MYH7: variants seen among roughly 807,000 people sequenced by gnomAD.
The protein encoded by MYH7 is myosin-7.
A neutral mutation model predicts 225.4 loss-of-function variants in MYH7; 129 were observed. The observed-to-expected ratio is 0.57, with a 90% CI of 0.50 to 0.66. The LOEUF (loss-of-function observed/expected upper bound fraction) is 0.66. Among genes scored for constraint, MYH7 ranks in the 30% least tolerant of loss-of-function variants. The pLI, the probability that MYH7 is intolerant of heterozygous loss-of-function variation, is 0.00. For synonymous variants in MYH7, 971 were observed against 1,007.6 expected (o/e 0.96, Z 0.69); for missense variants, 1,649 against 2,517.0 (o/e 0.66, Z 7.38).
chr14:23,429,867 A>G lies in MYH7; in HGVS notation c.1046T>C (p.Met349Thr), dbSNP rs121913640. The change falls in exon 12 of 40, where the codon ATG (methionine) becomes ACG (threonine). Residue 349 changes from methionine (M) to threonine (T), a missense_variant. Transcript: ENST00000355349. ...CATGATGGCGCCTGTCAGCTTATAC[A>G]TGGAGTTTTTCTCCTCTGAAGTGAA... Reference protein sequence around the residue: ...LGFTSEEKNSMYKLTGAIMHF... With the variant: ...LGFTSEEKNSTYKLTGAIMHF... The G allele has an allele frequency of 6.2e-6, 10 of 1,613,914 alleles. No individual in the cohort carries two copies. The highest frequency in any genetic ancestry group is 2.7e-5 in the African/African-American group (2 of 74,874).
At position 23,425,832 on chromosome 14, in the gene MYH7, T is replaced by C. The variant is rs1193941903; in HGVS notation, c.2163-14A>G. ...AGGATGCGATACCTGAGGAGGGAAG[T>C]GTCCAGAGTCACCCATGCTCTGCAG... On this transcript the variant is annotated splice_polypyrimidine_tract_variant and intron_variant, in intron 19 of 39. Coordinates refer to ENST00000355349, the MANE Select transcript of MYH7 (RefSeq NM_000257.4). The surrounding 1 kb of genome is among the most constrained non-coding windows in gnomAD (Gnocchi z 4.6). 1.2e-6 allele frequency: 2 copies of C among 1,613,858 alleles called. No individual in the cohort carries two copies. Among genetic ancestry groups the C allele is most frequent in the East Asian group, 2.2e-5 (1 of 44,886 alleles).
chr14:23,428,916 T>G, intron 14 of MYH7, 39 bp downstream of exon 14: 4 of 1,613,866 alleles, frequency 2.5e-6, no homozygotes, highest in Non-Finnish European at 2.5e-6. Flanking sequence ...TGGGAGCGAG[T>G]GAGTGATTGT....
intron 29 of MYH7, 137 bp downstream of exon 29, chr14:23,419,040 G>A (rs1892351983): frequency 2.3e-6 from 2 of 857,086 alleles, no homozygotes; most frequent in East Asian, 2.4e-5. Context: ...GCAGGGTTTG[G>A]GCTGTGATTT....
chr14:23,433,775 G>T lies in MYH7; in HGVS notation c.-8-35C>A, dbSNP rs774213588. On this transcript the variant is annotated intron_variant, in intron 2 of 39. Coordinates refer to ENST00000355349, the MANE Select transcript of MYH7 (RefSeq NM_000257.4). This position sits in a 1 kb window ranked among gnomAD's most constrained non-coding sequence, Gnocchi z 4.1. ...GCAGAAGCTGGCTGCCCTCCCATCT[G>T]CCCATTCTTCCCTTCCCTCCCTGGG... 1 of 1,601,504 alleles carries T rather than the reference G, an allele frequency of 6.2e-7. No individual in the cohort carries two copies.
In MYH7 at chr14:23,427,270, C is replaced by T. The variant is rs397516126; in HGVS notation, c.1926G>A (p.Ser642=). The T allele has an allele frequency of 1.4e-5, 22 of 1,613,962 alleles. No homozygotes were observed. Among genetic ancestry groups the T allele is most frequent in the East Asian group, 6.7e-5 (3 of 44,878 alleles). The change falls in exon 17 of 40, where the codon TCG becomes TCA. Residue 642 remains serine, a synonymous_variant. Transcript: ENST00000355349. Reference sequence around the variant, plus strand: ...GCAGAGCTGACACAGTCTGAAAGGACGAGCCTTTCTTGGCCTTGCCTTTGC... The same window carrying T: ...GCAGAGCTGACACAGTCTGAAAGGATGAGCCTTTCTTGGCCTTGCCTTTGC... ...EKGKGKAKKG[S]SFQTVSALHR...
chr14:23,425,206 G>A lies in MYH7; in HGVS notation c.2423+76C>T, dbSNP rs1373303420. ...GTCTCTGTGTTTGAAGATCTGCTGA[G>A]CTTTTTTTCCTGACACTGCCCCTGA... is the stretch of plus-strand genomic sequence containing the variant. On this transcript the variant is annotated intron_variant, in intron 21 of 39. Coordinates refer to ENST00000355349, the MANE Select transcript of MYH7 (RefSeq NM_000257.4). This position sits in a 1 kb window ranked among gnomAD's most constrained non-coding sequence, Gnocchi z 4.6. The A allele has an allele frequency of 6.2e-7, 1 of 1,612,362 alleles. No homozygotes were observed. Among genetic ancestry groups the A allele is most frequent in the Non-Finnish European group, 8.5e-7 (1 of 1,178,932 alleles).
chr14:23,427,904 C>A lies in MYH7; in HGVS notation c.1579-10G>T. 1 of 1,614,040 alleles carries A rather than the reference C, an allele frequency of 6.2e-7. No individual in the cohort carries two copies. Among genetic ancestry groups the A allele is most frequent in the Non-Finnish European group, 8.5e-7 (1 of 1,179,992 alleles). ...ACATGATGCCCATGGGCTGAGGAAG[C>A]AGGAGAGAGCATCACTGAGTGTCCT... On this transcript the variant is annotated splice_polypyrimidine_tract_variant and intron_variant, in intron 15 of 39. Coordinates refer to ENST00000355349, the MANE Select transcript of MYH7 (RefSeq NM_000257.4).
chr14:23,413,894 C>T lies in MYH7; in HGVS notation c.5656-1G>A. On this transcript the variant is annotated splice_acceptor_variant, in intron 38 of 39. Coordinates refer to ENST00000355349, the MANE Select transcript of MYH7 (RefSeq NM_000257.4). LOFTEE classifies it high-confidence loss of function. Reference sequence around the variant, plus strand: ...ACAGGTTGGTGTTGGCTTGCTCCTCCTGCGGGAGGTGGGAGCATGAGGTGA... The same window carrying T: ...ACAGGTTGGTGTTGGCTTGCTCCTCTTGCGGGAGGTGGGAGCATGAGGTGA... 1.2e-6 allele frequency: 2 copies of T among 1,614,262 alleles called. No individual in the cohort carries two copies. Among genetic ancestry groups the T allele is most frequent in the South Asian group, 1.1e-5 (1 of 91,086 alleles).
rs1241753517 is a variant in MYH7, at chr14:23,425,828, G to A, written c.2163-10C>T. 7 of 1,613,760 alleles carry A rather than the reference G, an allele frequency of 4.3e-6. No individual in the cohort carries two copies. The highest frequency in any genetic ancestry group is 5.9e-6 in the Non-Finnish European group (7 of 1,179,908). The stretch of plus-strand genomic sequence containing the variant: ...GTTCAGGATGCGATACCTGAGGAGG[G>A]AAGTGTCCAGAGTCACCCATGCTCT... On this transcript the variant is annotated splice_polypyrimidine_tract_variant and intron_variant, in intron 19 of 39. Coordinates refer to ENST00000355349, the MANE Select transcript of MYH7 (RefSeq NM_000257.4). The surrounding 1 kb of genome is among the most constrained non-coding windows in gnomAD (Gnocchi z 4.6).
intron 29 of MYH7, among the ~76,000 whole-genome samples, chr14:23,418,710 C>T (rs188897496): frequency 2.0e-4 from 30 of 152,300 alleles, no homozygotes; most frequent in African/African-American, 7.2e-4. Flanking sequence ...TAGGGGACTT[C>T]CCTAACCTAA....
At position 23,433,325 on chromosome 14, in the gene MYH7, A is replaced by C; in HGVS notation, c.202-98T>G. On this transcript the variant is annotated intron_variant, in intron 3 of 39. Coordinates refer to ENST00000355349, the MANE Select transcript of MYH7 (RefSeq NM_000257.4). The surrounding 1 kb of genome is among the most constrained non-coding windows in gnomAD (Gnocchi z 4.1). ...GTGAGTGACAGGGCAATAGTGCTCA[A>C]GAGAGAAGGAACCAGGATCTCACAG... The C allele has an allele frequency of 6.4e-7, 1 of 1,565,622 alleles. No homozygotes were observed. The highest frequency in any genetic ancestry group is 1.1e-5 in the South Asian group (1 of 88,596).
intron 10 of MYH7, 67 bp from the exon 11 acceptor site, chr14:23,430,730 G>A: frequency 3.5e-6 from 5 of 1,417,548 alleles, no homozygotes; most frequent in Non-Finnish European, 5.0e-6. Context: ...GCTCGCCACA[G>A]CACATGGCCT....
chr14:23,431,510 G>A (rs752135867), intron 8 of MYH7, 29 bp from the exon 9 acceptor site: 1 of 1,613,950 alleles, frequency 6.2e-7, no homozygotes, highest in Non-Finnish European at 8.5e-7. Context: ...GTGGTGATGA[G>A]TTGGGGGAAG....
intron 15 of MYH7, 77 bp from the exon 16 acceptor site, chr14:23,427,971 T>C: frequency 6.3e-7 from 1 of 1,576,710 alleles, no homozygotes; most frequent in Non-Finnish European, 8.7e-7. Flanking sequence ...GTCAATATAC[T>C]TGCTCGTGGA....
chr14:23,428,010 G>A (rs1372167925), intron 15 of MYH7, 116 bp from the exon 16 acceptor site: 15 of 1,320,356 alleles, frequency 1.1e-5, no homozygotes, highest in Non-Finnish European at 1.5e-5. Context: ...AAGGTAGTAG[G>A]CTCAGCTCTG....
chr14:23,414,655 T>G (rs1403089756), intron 37 of MYH7, among the ~76,000 whole-genome samples: 1 of 152,082 alleles, frequency 6.6e-6, no homozygotes, highest in Non-Finnish European at 1.5e-5. Context: ...CTTGTTTGAA[T>G]GGGATGGGTG....
chr14:23,430,431 A>G, intron 11 of MYH7, 129 bp downstream of exon 11: 2 of 756,368 alleles, frequency 2.6e-6, no homozygotes, highest in Non-Finnish European at 4.7e-6. Context: ...CACAGGGCAC[A>G]TTCTGGCTCT....
intron 24 of MYH7, among the ~76,000 whole-genome samples, chr14:23,422,559 T>G (rs1892517307): frequency 6.7e-6 from 1 of 149,074 alleles, no homozygotes. Flanking sequence ...CAAAGCCGTA[T>G]TCTTTCTTTC....
At position 23,417,618 on chromosome 14, in the gene MYH7, G is replaced by A. The variant is rs730880796; in HGVS notation, c.4238C>T (p.Ser1413Leu). The A allele has an allele frequency of 9.3e-6, 15 of 1,612,820 alleles. No homozygotes were observed. The highest frequency in any genetic ancestry group is 3.3e-5 in the South Asian group (3 of 91,024). ...AVEAVNAKCSSLEKTKHRLQN... is the reference protein window; with the variant it reads ...AVEAVNAKCSLLEKTKHRLQN... ...TAGCCGGTGCTTGGTCTTCTCCAGC[G>A]AGGAGCACTTGGCATTAACAGCCTC... Residue 1413 changes from serine (S) to leucine (L), a missense_variant, in exon 31 of 40, where the codon TCG (serine) becomes TTG (leucine). Transcript: ENST00000355349.
Sources: gnomAD v4.1 joint callset for allele counts (sites outside exome capture counted in the v4.1 genomes callset) on GRCh38, gnomAD v4.1.1 for gene constraint, Gnocchi (gnomAD v3.1) non-coding constraint, MANE v1.5 for transcripts, NCBI Gene and HGNC (gene_info 2026-07-23, HGNC 2026-07-21) for gene names.